Variants in MYCBP2 observed in about 807,000 individuals in gnomAD.
MYCBP2 encodes the protein MYC binding protein 2.
In MYCBP2, 120 loss-of-function variants were observed where a neutral mutation model predicts 525.3. The ratio of observed to expected loss-of-function variants is 0.23; its 90% CI spans 0.20 to 0.27. The LOEUF (loss-of-function observed/expected upper bound fraction) is 0.27, where lower values mean the gene tolerates loss of function less well. Ranked by LOEUF, MYCBP2 falls within the 10% of genes least tolerant of loss-of-function variation. The pLI is 1.00. For missense variants in MYCBP2, 4,149 were observed against 5,657.1 expected, an observed-to-expected ratio of 0.73 and a Z score of 8.55; for synonymous variants, 1,894 against 1,955.8, an observed-to-expected ratio of 0.97 and a Z score of 0.83.
chr13:77,258,873 G>A (rs1171584460), intron 13 of MYCBP2, among the ~76,000 whole-genome samples: 2 of 151,858 alleles, frequency 1.3e-5, no homozygotes, highest in African/African-American at 2.4e-5. Flanking sequence ...ATTTTTTGCA[G>A]GTAGAAAAAA....
At chr13:77,135,259 T>C (rs1364605172) in intron 52 of MYCBP2, among the ~76,000 whole-genome samples, 3 of 152,188 alleles carry the variant, frequency 2.0e-5, no homozygotes, top group Admixed American at 2.0e-4. Context: ...TTTTATTGAG[T>C]CATGTTTTAC....
intron 81 of MYCBP2, 47 bp from the exon 82 acceptor site, chr13:77,051,209 T>C (rs1379032767): frequency 6.5e-7 from 1 of 1,531,738 alleles, no homozygotes; most frequent in Admixed American, 2.1e-5. Flanking sequence ...GTGAGACTAT[T>C]TCAATCACAC....
At chr13:77,316,952 GTT>G in intron 1 of MYCBP2, among the ~76,000 whole-genome samples, 1 of 148,744 alleles carries the variant, frequency 6.7e-6, no homozygotes, top group East Asian at 2.0e-4. Context: ...TTTTTTTGTT[GTT>G]TTTTTTTTGT....
At chr13:77,133,054 G>T (rs1269259283) in intron 52 of MYCBP2, among the ~76,000 whole-genome samples, 1 of 152,106 alleles carries the variant, frequency 6.6e-6, no homozygotes, top group Non-Finnish European at 1.5e-5. Flanking sequence ...GGCAGTTCTA[G>T]TCAAAGTAAC....
chr13:77,104,224 C>T (rs1192433481), intron 55 of MYCBP2, among the ~76,000 whole-genome samples: 3 of 151,940 alleles, frequency 2.0e-5, no homozygotes, highest in Non-Finnish European at 2.9e-5. Context: ...AGACATAACA[C>T]ACACTTTTCT....
At chr13:77,091,786 A>G (rs552986472) in intron 59 of MYCBP2, among the ~76,000 whole-genome samples, 19 of 152,176 alleles carry the variant, frequency 1.2e-4, no homozygotes, top group Admixed American at 7.2e-4. Context: ...CAGTGACACA[A>G]TCGTAGCTCA....
At chr13:77,155,148 A>C (rs879284058) in intron 46 of MYCBP2, among the ~76,000 whole-genome samples, 15 of 152,136 alleles carry the variant, frequency 9.9e-5, no homozygotes, top group Admixed American at 3.3e-4. Flanking sequence ...AACCTTTTCC[A>C]TACAGTTTTA....
At chr13:77,060,184 A>G (rs1225145888) in intron 76 of MYCBP2, among the ~76,000 whole-genome samples, 1 of 152,230 alleles carries the variant, frequency 6.6e-6, no homozygotes, top group Non-Finnish European at 1.5e-5. Flanking sequence ...TAAGAAAAAG[A>G]ACGTGAAGAT....
In MYCBP2 at chr13:77,069,407, G is replaced by C. The variant is rs551528443; in HGVS notation, c.11905-576C>G. 1.1e-4 allele frequency among the ~76,000 whole-genome samples: 17 copies of C among 152,234 alleles called. No homozygotes were observed. In the East Asian group the frequency reaches 3.3e-3, roughly 29 times the overall value. ...GGAGGCCGAGGCGGGCGGATCATGA[G>C]ATCAGGAGATCGAGACCATCCTGGC... On this transcript the variant is annotated intron_variant, in intron 69 of 82. Transcript: ENST00000544440.
intron 26 of MYCBP2, among the ~76,000 whole-genome samples, chr13:77,199,692 T>A (rs566273681): frequency 6.6e-6 from 1 of 152,176 alleles, no homozygotes; most frequent in Admixed American, 6.5e-5. Flanking sequence ...CAGCTGGAGA[T>A]CTGAGAAAGG....
At chr13:77,297,038 G>A (rs1427193353) in intron 1 of MYCBP2, among the ~76,000 whole-genome samples, 2 of 152,036 alleles carry the variant, frequency 1.3e-5, no homozygotes, top group African/African-American at 4.8e-5. Flanking sequence ...TGCTCTTTTT[G>A]GTAGTGAGGG....
chr13:77,244,768 T>C (rs891526464), intron 15 of MYCBP2, among the ~76,000 whole-genome samples: 16 of 152,232 alleles, frequency 1.1e-4, no homozygotes, highest in African/African-American at 3.9e-4. Context: ...TTTACTCATC[T>C]GACAAAGGGC....
intron 29 of MYCBP2, 78 bp downstream of exon 29, chr13:77,190,174 T>C: frequency 1.2e-6 from 1 of 829,604 alleles, no homozygotes; most frequent in South Asian, 2.2e-5. Flanking sequence ...CTCCCTATTA[T>C]GCCACGTTTT....
chr13:77,123,089 T>G (rs1336524277), intron 54 of MYCBP2, among the ~76,000 whole-genome samples: 1 of 152,202 alleles, frequency 6.6e-6, no homozygotes, highest in African/African-American at 2.4e-5. Context: ...GAGGAAAGCT[T>G]TTGTTTTACT....
intron 54 of MYCBP2, among the ~76,000 whole-genome samples, chr13:77,121,867 A>G (rs2050757136): frequency 6.6e-6 from 1 of 152,190 alleles, no homozygotes; most frequent in African/African-American, 2.4e-5. Flanking sequence ...CCTATAAACC[A>G]GAAATAAAAG....
At chr13:77,314,200 T>A (rs116551378) in intron 1 of MYCBP2, among the ~76,000 whole-genome samples, 77 of 152,306 alleles carry the variant, frequency 5.1e-4, no homozygotes, top group African/African-American at 1.8e-3. Context: ...ATTTAACCAT[T>A]CCCCAATGTA....
intron 10 of MYCBP2, among the ~76,000 whole-genome samples, chr13:77,262,993 C>T (rs1229419545): frequency 1.3e-5 from 2 of 151,928 alleles, no homozygotes; most frequent in East Asian, 1.9e-4. Flanking sequence ...CTACAAGTTA[C>T]GGAAGGTCAC....
intron 13 of MYCBP2, 56 bp from the exon 14 acceptor site, chr13:77,257,885 TA>T: frequency 7.0e-7 from 1 of 1,423,168 alleles, no homozygotes; most frequent in Non-Finnish European, 9.5e-7. Context: ...CTGAGCCTAG[TA>T]AAAGAACTAC....
chr13:77,186,225 G>A (rs1407236976), intron 30 of MYCBP2, among the ~76,000 whole-genome samples, 162 bp from the exon 31 acceptor site: 1 of 151,960 alleles, frequency 6.6e-6, no homozygotes, highest in African/African-American at 2.4e-5. Context: ...CACTTTTATA[G>A]TTCATTTATT....
Sources: gnomAD v4.1 joint callset for allele counts (sites outside exome capture counted in the v4.1 genomes callset) on GRCh38, gnomAD v4.1.1 for gene constraint, MANE v1.5 for transcripts, NCBI Gene and HGNC (gene_info 2026-07-23, HGNC 2026-07-21) for gene names.